LPP: variants seen among roughly 807,000 people sequenced by gnomAD.
The protein encoded by LPP is lipoma-preferred partner.
In LPP, 38 loss-of-function variants were observed where a neutral mutation model predicts 60.4. The observed-to-expected ratio is 0.63, with a 90% CI of 0.49 to 0.83. The LOEUF (loss-of-function observed/expected upper bound fraction) is 0.83. LPP is among the 40% of genes least tolerant of loss of function. The pLI is 0.00. For synonymous variants in LPP, 328 were observed against 290.8 expected (o/e 1.13, Z -1.30); for missense variants, 902 against 783.6 (o/e 1.15, Z -1.80).
intron 7 of LPP, among the ~76,000 whole-genome samples, chr3:188,681,129 T>C (rs1859406874): frequency 6.6e-6 from 1 of 151,986 alleles, no homozygotes. Flanking sequence ...CTCGAGTAGC[T>C]GGGACTACAG....
chr3:188,649,611 T>C (rs1050144345), intron 7 of LPP, among the ~76,000 whole-genome samples: 3 of 151,524 alleles, frequency 2.0e-5, no homozygotes, highest in African/African-American at 7.3e-5. Flanking sequence ...TACATTCTTT[T>C]GCCAGGCATC....
intron 6 of LPP, chr3:188,584,545 T>TGTG (rs752997019): frequency 8.4e-6 from 1 of 118,754 alleles, no homozygotes; most frequent in Non-Finnish European, 1.8e-5. Context: ...TTAATTTTAG[T>TGTG]CGTGTGTGTG....
At position 188,241,238 on chromosome 3, in the gene LPP, G is replaced by T. The variant is rs577450252; in HGVS notation, c.-67+15711G>T. On this transcript the variant is annotated intron_variant, in intron 2 of 11. Transcript: ENST00000617246. Reference sequence around the variant, plus strand: ...ATCCAACCTGCTGTTATCTGCGCAGGCCTCTCTGCAGCTGTTTGCCCTGAA... The same window carrying T: ...ATCCAACCTGCTGTTATCTGCGCAGTCCTCTCTGCAGCTGTTTGCCCTGAA... 2.0e-5 allele frequency among the ~76,000 whole-genome samples: 3 copies of T among 152,300 alleles called. No individual in the cohort carries two copies. In the South Asian group the frequency reaches 6.2e-4, roughly 32 times the overall value.
At chr3:188,670,689 G>A (rs1856792434) in intron 7 of LPP, among the ~76,000 whole-genome samples, 2 of 152,166 alleles carry the variant, frequency 1.3e-5, no homozygotes, top group African/African-American at 4.8e-5. Context: ...TTAAACTCAT[G>A]TGGTTGGTGC....
intron 8 of LPP, among the ~76,000 whole-genome samples, chr3:188,753,732 G>C (rs1319525216): frequency 6.6e-6 from 1 of 151,910 alleles, no homozygotes; most frequent in Non-Finnish European, 1.5e-5. Context: ...TCATCCTAGT[G>C]GCAGTCATTG....
chr3:188,548,223 T>G (rs561650385), intron 6 of LPP, among the ~76,000 whole-genome samples: 2 of 152,200 alleles, frequency 1.3e-5, no homozygotes, highest in African/African-American at 4.8e-5. Context: ...CTAACTCACT[T>G]TTTGATTTTT....
chr3:188,646,362 G>A (rs189553617), intron 7 of LPP, among the ~76,000 whole-genome samples: 8 of 152,326 alleles, frequency 5.3e-5, no homozygotes, highest in African/African-American at 1.9e-4. Flanking sequence ...CTGGCTACCA[G>A]TGAATGATCA....
chr3:188,663,700 C>T (rs943117701), intron 7 of LPP, among the ~76,000 whole-genome samples: 8 of 152,134 alleles, frequency 5.3e-5, no homozygotes, highest in African/African-American at 9.7e-5. Flanking sequence ...CAGTGGTCTC[C>T]GACCTTTTTG....
intron 7 of LPP, among the ~76,000 whole-genome samples, chr3:188,689,688 G>A (rs952801705): frequency 1.3e-5 from 2 of 152,228 alleles, no homozygotes; most frequent in African/African-American, 4.8e-5. Context: ...GTCTCTCTGA[G>A]GTCCATATGG....
intron 7 of LPP, among the ~76,000 whole-genome samples, chr3:188,627,220 T>C (rs959894240): frequency 9.2e-5 from 14 of 152,136 alleles, no homozygotes; most frequent in African/African-American, 1.4e-4. Flanking sequence ...GCTAACACTA[T>C]AAAGCAACTA....
chr3:188,620,854 T>C (rs990471316), intron 7 of LPP, among the ~76,000 whole-genome samples: 1 of 152,250 alleles, frequency 6.6e-6, no homozygotes, highest in Non-Finnish European at 1.5e-5. Context: ...TACAAATCCA[T>C]GTTCTTCAAG....
chr3:188,778,492 A>T (rs1280723010), intron 9 of LPP, among the ~76,000 whole-genome samples: 1 of 152,218 alleles, frequency 6.6e-6, no homozygotes, highest in Non-Finnish European at 1.5e-5. Flanking sequence ...CTGGAGGTGT[A>T]ATTAATCCAA....
At chr3:188,651,826 A>T (rs778570257) in intron 7 of LPP, among the ~76,000 whole-genome samples, 3 of 152,194 alleles carry the variant, frequency 2.0e-5, no homozygotes, top group Non-Finnish European at 2.9e-5. Flanking sequence ...TGAGATTTGG[A>T]TGGGGACACA....
intron 7 of LPP, among the ~76,000 whole-genome samples, chr3:188,684,015 A>C (rs1860113151): frequency 6.6e-6 from 1 of 152,228 alleles, no homozygotes; most frequent in Non-Finnish European, 1.5e-5. Flanking sequence ...GAACAAGAGA[A>C]CTTTGTGTTA....
chr3:188,736,146 A>C (rs1722422699), intron 8 of LPP, among the ~76,000 whole-genome samples: 2 of 152,206 alleles, frequency 1.3e-5, no homozygotes, highest in South Asian at 4.1e-4. Flanking sequence ...AACTTTATTG[A>C]TCTGATCTGT....
At position 188,609,143 on chromosome 3, in the gene LPP, T is replaced by C. The variant is rs1843108466; in HGVS notation, c.430-18T>C. 6.5e-7 allele frequency: 1 copy of C among 1,543,148 alleles called. No homozygotes were observed. Among genetic ancestry groups the C allele is most frequent in the African/African-American group, 1.4e-5 (1 of 71,688 alleles). On this transcript the variant is annotated intron_variant, in intron 6 of 11. Transcript: ENST00000617246. The surrounding 1 kb of genome is among the most constrained non-coding windows in gnomAD (Gnocchi z 6.9). Reference sequence around the variant, plus strand: ...AATTTTTGCTTTCTTTCTTTCTTTTTTTTCCTATTCTTTTTAGAGCTCCAC... The same window carrying C: ...AATTTTTGCTTTCTTTCTTTCTTTTCTTTCCTATTCTTTTTAGAGCTCCAC...
At chr3:188,191,741 A>C (rs936619914) in intron 1 of LPP, among the ~76,000 whole-genome samples, 15 of 152,168 alleles carry the variant, frequency 9.9e-5, no homozygotes, top group African/African-American at 3.1e-4. Flanking sequence ...ACTGTAGCTG[A>C]GTGTTCTGGA....
At chr3:188,549,995 A>G (rs1827666484) in intron 6 of LPP, among the ~76,000 whole-genome samples, 1 of 152,146 alleles carries the variant, frequency 6.6e-6, no homozygotes, top group African/African-American at 2.4e-5. Context: ...TTTCACCAGC[A>G]ATTTGCACAC....
At chr3:188,664,235 C>A (rs539949410) in intron 7 of LPP, among the ~76,000 whole-genome samples, 1 of 152,096 alleles carries the variant, frequency 6.6e-6, no homozygotes, top group Non-Finnish European at 1.5e-5. Context: ...AAGTTTTAGT[C>A]TTTTCCTTCA....
Sources: allele counts gnomAD v4.1 joint callset (sites outside exome capture counted in the v4.1 genomes callset), GRCh38; gene constraint gnomAD v4.1.1; non-coding constraint Gnocchi (gnomAD v3.1); transcripts MANE v1.5; gene names NCBI Gene and HGNC (gene_info 2026-07-23, HGNC 2026-07-21).